Variants in ANO2 observed in about 807,000 individuals in gnomAD.
The protein encoded by ANO2 is anoctamin 2.
A neutral mutation model predicts 124.2 loss-of-function variants in ANO2; 101 were observed. The ratio of observed to expected loss-of-function variants is 0.81; its 90% CI spans 0.69 to 0.96. The LOEUF is 0.96. Ranked by LOEUF, ANO2 falls within the 40% of genes least tolerant of loss-of-function variation. The pLI is 0.00. For synonymous variants in ANO2, 486 were observed against 482.5 expected (o/e 1.01, Z -0.09); for missense variants, 1,293 against 1,274.5 (o/e 1.01, Z -0.22).
intron 14 of ANO2, among the ~76,000 whole-genome samples, chr12:5,657,806 T>G (rs959020935): frequency 1.5e-5 from 2 of 130,800 alleles, no homozygotes; most frequent in Non-Finnish European, 3.3e-5. Context: ...TGCTATAAAT[T>G]TAGCCTCTCA....
At chr12:5,756,949 G>T (rs1176029582) in intron 10 of ANO2, among the ~76,000 whole-genome samples, 1 of 152,238 alleles carries the variant, frequency 6.6e-6, no homozygotes, top group Admixed American at 6.5e-5. Flanking sequence ...GTCTGTATAT[G>T]GGCAGAGTTC....
At chr12:5,584,175 G>C (rs1942966358) in intron 20 of ANO2, 1 of 152,456 alleles carries the variant, frequency 6.6e-6, no homozygotes, top group Admixed American at 7.5e-5. Flanking sequence ...CATGTCAACA[G>C]ACTGGCACAC....
intron 10 of ANO2, among the ~76,000 whole-genome samples, chr12:5,796,243 ACT>A (rs1952841997): frequency 1.3e-5 from 2 of 150,578 alleles, no homozygotes; most frequent in Non-Finnish European, 3.0e-5. Flanking sequence ...ACTCATACCC[ACT>A]CACACACATA....
rs146612560 is a variant in ANO2 at position 5,865,239 on chromosome 12, C to T, written c.535-11098G>A. Among the ~76,000 whole-genome samples the T allele has an allele frequency of 4.3e-3, 660 of 152,328 alleles. 3 individuals carry two copies. Among genetic ancestry groups the T allele is most frequent in the Non-Finnish European group, 6.7e-3 (453 of 68,028 alleles). On this transcript the variant is annotated intron_variant, in intron 3 of 24. Transcript: ENST00000682330. ...TATTGGGCAACGACTGTGTGCTTGG[C>T]AATGTGCTAAGAGTTAGGGCATATG... is the stretch of plus-strand genomic sequence containing the variant.
intron 14 of ANO2, among the ~76,000 whole-genome samples, chr12:5,708,976 C>A (rs2041616): frequency 0.85 from 129,847 of 152,276 alleles, 55,781 homozygotes; most frequent in East Asian, 0.95. Context: ...AGCTTCATGA[C>A]GGTGAAAACA....
In ANO2 at chr12:5,645,427, ATGTG is replaced by A. The variant is rs556265817; in HGVS notation, c.1620+2296_1620+2299del. ...TCTATCCATGGTCGTGTGTGTGTGA[ATGTG>A]TGTGTGTGTGTGTGTACACATATAT... On this transcript the variant is annotated intron_variant, in intron 15 of 24. Coordinates refer to ENST00000682330, the MANE Select transcript of ANO2 (RefSeq NM_001364791.2). 4.1e-5 allele frequency among the ~76,000 whole-genome samples: 6 copies of A among 146,218 alleles called. No individual in the cohort carries two copies. The South Asian group carries it at 6.3e-4, about 15-fold the overall frequency.
chr12:5,774,088 A>G (rs1006705052), intron 10 of ANO2, among the ~76,000 whole-genome samples: 6 of 152,208 alleles, frequency 3.9e-5, no homozygotes, highest in Non-Finnish European at 8.8e-5. Context: ...GAATTCTTTG[A>G]CTTTGCTATT....
At chr12:5,680,098 G>T (rs1179459675) in intron 14 of ANO2, among the ~76,000 whole-genome samples, 1 of 152,168 alleles carries the variant, frequency 6.6e-6, no homozygotes, top group Admixed American at 6.5e-5. Flanking sequence ...AGAACACATG[G>T]ACACACTGGG....
At chr12:5,705,514 T>G (rs545762737) in intron 14 of ANO2, among the ~76,000 whole-genome samples, 1 of 152,178 alleles carries the variant, frequency 6.6e-6, no homozygotes, top group African/African-American at 2.4e-5. Flanking sequence ...CTCTGCCAGA[T>G]GTACTCATCC....
At chr12:5,864,588 C>T (rs1024822140) in intron 3 of ANO2, among the ~76,000 whole-genome samples, 3 of 152,210 alleles carry the variant, frequency 2.0e-5, no homozygotes, top group African/African-American at 7.2e-5. Context: ...CACCAGGACA[C>T]GGAGAGCACT....
chr12:5,639,885 A>T lies in ANO2; in HGVS notation c.1621-4538T>A, dbSNP rs181350553. On this transcript the variant is annotated intron_variant, in intron 15 of 24. Coordinates refer to ENST00000682330, the MANE Select transcript of ANO2 (RefSeq NM_001364791.2). ...AGTGAAGGGGCTATGATGAGAGTCC[A>T]GGCTGTGGAGGAGGATTTCTGATGG... is the stretch of plus-strand genomic sequence containing the variant. Among the ~76,000 whole-genome samples the T allele has an allele frequency of 1.2e-4, 18 of 152,310 alleles. No homozygotes were observed. In the East Asian group the frequency reaches 3.5e-3, roughly 29 times the overall value.
At chr12:5,935,664 G>C (rs1193363314) in intron 1 of ANO2, among the ~76,000 whole-genome samples, 1 of 152,202 alleles carries the variant, frequency 6.6e-6, no homozygotes, top group Non-Finnish European at 1.5e-5. Flanking sequence ...TCTGTGTGGA[G>C]AAGGAGCCTG....
At chr12:5,864,531 G>T (rs899865344) in intron 3 of ANO2, among the ~76,000 whole-genome samples, 3 of 152,248 alleles carry the variant, frequency 2.0e-5, no homozygotes, top group African/African-American at 7.2e-5. Context: ...GGAATCAGAT[G>T]CTGTGGATGC....
intron 3 of ANO2, among the ~76,000 whole-genome samples, chr12:5,869,345 A>T (rs59012578): frequency 0.016 from 2,394 of 151,738 alleles, 55 homozygotes; most frequent in African/African-American, 0.055. Flanking sequence ...TCCACATCTG[A>T]CTCTTTTAGC....
intron 14 of ANO2, among the ~76,000 whole-genome samples, chr12:5,693,329 G>C (rs1949024031): frequency 6.6e-6 from 1 of 152,090 alleles, no homozygotes; most frequent in South Asian, 2.1e-4. Context: ...CGTCATCCTT[G>C]ACCTCTTTCT....
At chr12:5,789,121 A>G (rs1423998072) in intron 10 of ANO2, among the ~76,000 whole-genome samples, 1 of 152,230 alleles carries the variant, frequency 6.6e-6, no homozygotes, top group African/African-American at 2.4e-5. Context: ...GATGAACAAA[A>G]GGAGAGGGAT....
chr12:5,829,280 C>T (rs7485896), intron 6 of ANO2, among the ~76,000 whole-genome samples: 111,320 of 152,094 alleles, frequency 0.73, 41,339 homozygotes, highest in East Asian at 0.98. Flanking sequence ...GTCGTGGGAC[C>T]CAAGCCACAG....
At chr12:5,720,243 G>C (rs1395756609) in intron 14 of ANO2, among the ~76,000 whole-genome samples, 1 of 152,124 alleles carries the variant, frequency 6.6e-6, no homozygotes, top group Admixed American at 6.5e-5. Flanking sequence ...ATCCACAAAA[G>C]GGCAATCCCG....
intron 16 of ANO2, among the ~76,000 whole-genome samples, chr12:5,622,171 T>C (rs961816886): frequency 2.0e-5 from 3 of 152,150 alleles, no homozygotes; most frequent in African/African-American, 7.2e-5. Flanking sequence ...TGTCTTTAAT[T>C]TTATTTTATC....
Sources: gnomAD v4.1 joint callset for allele counts (sites outside exome capture counted in the v4.1 genomes callset) on GRCh38, gnomAD v4.1.1 for gene constraint, MANE v1.5 for transcripts, NCBI Gene and HGNC (gene_info 2026-07-23, HGNC 2026-07-21) for gene names.